LRBA: variants seen among roughly 807,000 people sequenced by gnomAD.
The protein encoded by LRBA is lipopolysaccharide-responsive and beige-like anchor protein.
A neutral mutation model predicts 330.0 loss-of-function variants in LRBA; 176 were observed. The ratio of observed to expected loss-of-function variants is 0.53; its 90% confidence interval spans 0.47 to 0.60. The LOEUF (loss-of-function observed/expected upper bound fraction) is 0.60. LRBA is among the 20% of genes least tolerant of loss of function. The pLI, the probability that LRBA is intolerant of heterozygous loss-of-function variation, is 0.00. For synonymous variants in LRBA, 1,230 were observed against 1,193.0 expected (o/e 1.03, Z -0.64); for missense variants, 3,259 against 3,444.8 (o/e 0.95, Z 1.35).
At chr4:150,534,669 TATTACATA>T (rs1460933699) in intron 40 of LRBA, among the ~76,000 whole-genome samples, 1 of 142,130 alleles carries the variant, frequency 7.0e-6, no homozygotes, top group East Asian at 2.1e-4. Context: ...ATATTACATA[TATTACATA>T]GTTCCTTTTA....
At chr4:150,516,217 C>CTTTTTT (rs869205771) in intron 40 of LRBA, among the ~76,000 whole-genome samples, 1 of 29,410 alleles carries the variant, frequency 3.4e-5, no homozygotes, top group African/African-American at 8.2e-5. Context: ...TTTCTATTCT[C>CTTTTTT]TTTTTTTTTT....
chr4:150,853,640 T>G (rs1341440383), intron 22 of LRBA, among the ~76,000 whole-genome samples: 1 of 152,202 alleles, frequency 6.6e-6, no homozygotes, highest in East Asian at 1.9e-4. Context: ...TATCATGCTT[T>G]GCCTTTTACC....
At chr4:150,615,277 T>C (rs990703379) in intron 37 of LRBA, among the ~76,000 whole-genome samples, 2 of 152,212 alleles carry the variant, frequency 1.3e-5, no homozygotes, top group African/African-American at 4.8e-5. Flanking sequence ...TTGACTTTTA[T>C]TCTCTGTGGA....
rs537714291 is a variant in LRBA, at chr4:150,284,715, G to A, written c.8119+1218C>T. Among the ~76,000 whole-genome samples the A allele has an allele frequency of 5.5e-4, 84 of 152,186 alleles. 1 individual carries two copies. Among genetic ancestry groups the A allele is most frequent in the African/African-American group, 2.0e-3 (82 of 41,518 alleles). On this transcript the variant is annotated intron_variant, in intron 54 of 56. Transcript: ENST00000651943. ...TAATTCTTAATTTTTTTGTAGAGAT[G>A]GGGGTCTCACTATGTTGCCAGACTG... is the stretch of plus-strand genomic sequence containing the variant.
chr4:150,844,048 G>C (rs1749483870), intron 28 of LRBA, 52 bp downstream of exon 28: 1 of 1,094,874 alleles, frequency 9.1e-7, no homozygotes, highest in African/African-American at 1.5e-5. Flanking sequence ...TTAGGCCTAA[G>C]AGGAAATATG....
chr4:150,467,026 A>G (rs1472256405), intron 44 of LRBA, among the ~76,000 whole-genome samples: 1 of 152,130 alleles, frequency 6.6e-6, no homozygotes, highest in East Asian at 1.9e-4. Context: ...TTAAGACTAG[A>G]GTGCCTGGTC....
chr4:150,828,625 T>C lies in LRBA; in HGVS notation c.4730-4A>G. 6.2e-7 allele frequency: 1 copy of C among 1,602,556 alleles called. No individual in the cohort carries two copies. Among genetic ancestry groups the C allele is most frequent in the African/African-American group, 1.3e-5 (1 of 74,522 alleles). ...CTGAATGCTGCTGGTGTGATTTCTA[T>C]ATCATACCCAGAAACACAAGAAATA... is the stretch of plus-strand genomic sequence containing the variant. On this transcript the variant is annotated splice_polypyrimidine_tract_variant and splice_region_variant and intron_variant, in intron 29 of 56. Coordinates refer to ENST00000651943, the MANE Select transcript of LRBA (RefSeq NM_001364905.1).
chr4:150,792,028 CAAAAAAAAAA>C (rs11389573), intron 34 of LRBA, among the ~76,000 whole-genome samples: 4 of 46,318 alleles, frequency 8.6e-5, no homozygotes, highest in Middle Eastern at 0.05. Flanking sequence ...GGCTCCATCT[CAAAAAAAAAA>C]AAAAAAAAAA....
chr4:150,330,957 G>T (rs886443845), intron 48 of LRBA, among the ~76,000 whole-genome samples: 2 of 152,168 alleles, frequency 1.3e-5, no homozygotes, highest in African/African-American at 2.4e-5. Flanking sequence ...GACTGAGGTT[G>T]CAGGGGAGGA....
At chr4:150,728,528 A>G (rs1337170786) in intron 36 of LRBA, among the ~76,000 whole-genome samples, 1 of 152,178 alleles carries the variant, frequency 6.6e-6, no homozygotes, top group African/African-American at 2.4e-5. Flanking sequence ...TAGGGGTGGA[A>G]GGATGGTTCA....
chr4:150,814,495 G>C (rs931600041), intron 31 of LRBA, among the ~76,000 whole-genome samples: 1 of 151,936 alleles, frequency 6.6e-6, no homozygotes, highest in Non-Finnish European at 1.5e-5. Context: ...CACTGAAATA[G>C]AGAACCCATA....
At chr4:150,925,749 TC>T (rs1169907175) in intron 4 of LRBA, among the ~76,000 whole-genome samples, 2 of 152,176 alleles carry the variant, frequency 1.3e-5, no homozygotes, top group Non-Finnish European at 2.9e-5. Flanking sequence ...CCTATAATTT[TC>T]TATGCTTATG....
intron 47 of LRBA, among the ~76,000 whole-genome samples, chr4:150,356,734 T>C (rs959823680): frequency 1.4e-4 from 21 of 152,032 alleles, no homozygotes; most frequent in Admixed American, 9.8e-4. Context: ...TAAAACACAA[T>C]GGAAATATTT....
At chr4:150,685,420 A>ATATATATATACTT (rs1561514146) in intron 36 of LRBA, among the ~76,000 whole-genome samples, 1 of 17,436 alleles carries the variant, frequency 5.7e-5, no homozygotes, top group African/African-American at 2.4e-4. Context: ...ATATATATAT[A>ATATATATATACTT]TTTTTTTTTT....
chr4:150,975,474 C>G (rs546396703), intron 2 of LRBA, among the ~76,000 whole-genome samples: 3 of 150,834 alleles, frequency 2.0e-5, no homozygotes. Flanking sequence ...TGCAGTGAGC[C>G]CAGATCGCAC....
rs1732459122 is a variant in LRBA, at chr4:150,321,173, TGGTATTTCTTTACTTACCAGGAAGG to T, written c.7623_7630+17del. The T allele has an allele frequency of 6.2e-7, 1 of 1,600,578 alleles. No individual in the cohort carries two copies. The highest frequency in any genetic ancestry group is 1.8e-5 in the Admixed American group (1 of 57,130). On this transcript the variant is annotated splice_donor_variant and splice_donor_5th_base_variant and coding_sequence_variant and intron_variant, in exon 50 of 57. Transcript: ENST00000651943. LOFTEE classifies it high-confidence loss of function. The surrounding 1 kb of genome is among the most constrained non-coding windows in gnomAD (Gnocchi z 4.5). ...GTTCAGCAGTTACCATGCCTTATAA[TGGTATTTCTTTACTTACCAGGAAGG>T]TTGTGCCATTTGTTCACCGCAAATA... is the stretch of plus-strand genomic sequence containing the variant.
intron 42 of LRBA, among the ~76,000 whole-genome samples, chr4:150,476,464 AG>A (rs1355420268): frequency 6.6e-6 from 1 of 152,098 alleles, no homozygotes; most frequent in African/African-American, 2.4e-5. Context: ...AGGTTCTGGG[AG>A]GTATACAGAG....
chr4:150,315,383 G>C, intron 51 of LRBA, 178 bp downstream of exon 51: 1 of 657,952 alleles, frequency 1.5e-6, no homozygotes, highest in Non-Finnish European at 2.7e-6. Flanking sequence ...AAACCAACGA[G>C]GGGGAGTTGA....
At chr4:150,560,687 A>G (rs1324121700) in intron 40 of LRBA, among the ~76,000 whole-genome samples, 2 of 152,136 alleles carry the variant, frequency 1.3e-5, no homozygotes, top group African/African-American at 4.8e-5. Flanking sequence ...ATCATTGGCA[A>G]TTAAAAGCGT....
Sources: gnomAD v4.1 joint callset for allele counts (sites outside exome capture counted in the v4.1 genomes callset) on GRCh38, gnomAD v4.1.1 for gene constraint, Gnocchi (gnomAD v3.1) non-coding constraint, MANE v1.5 for transcripts, NCBI Gene and HGNC (gene_info 2026-07-23, HGNC 2026-07-21) for gene names.